UNC13C: variants seen among roughly 807,000 people sequenced by gnomAD.
UNC13C encodes the protein protein unc-13 homolog C.
Under a neutral mutation model 245.4 loss-of-function variants are expected in UNC13C, and 174 were observed. The ratio of observed to expected loss-of-function variants is 0.71; its 90% CI spans 0.63 to 0.80. The LOEUF is 0.80. Among genes scored for constraint, UNC13C ranks in the 30% least tolerant of loss-of-function variants. The pLI, the probability that UNC13C is intolerant of heterozygous loss-of-function variation, is 0.00. For missense variants in UNC13C, 2,829 were observed against 2,602.9 expected (o/e 1.09, Z -1.89); for synonymous variants, 992 against 895.1 (o/e 1.11, Z -1.93).
intron 13 of UNC13C, 80 bp from the exon 14 acceptor site, chr15:54,321,859 T>C: frequency 7.6e-7 from 1 of 1,314,158 alleles, no homozygotes; most frequent in Non-Finnish European, 1.0e-6. Context: ...GTGGAATTAA[T>C]TGCTGATGTT....
chr15:54,056,852 G>C (rs1897553472), intron 2 of UNC13C, among the ~76,000 whole-genome samples: 2 of 152,120 alleles, frequency 1.3e-5, no homozygotes, highest in African/African-American at 4.8e-5. Context: ...TTCATATCCA[G>C]CCAAACTAAG....
intron 27 of UNC13C, among the ~76,000 whole-genome samples, chr15:54,549,126 T>G (rs959960374): frequency 2.6e-5 from 4 of 152,160 alleles, no homozygotes; most frequent in African/African-American, 9.7e-5. Context: ...TTTATTCCAG[T>G]GTTTTTCAAA....
At chr15:54,058,349 C>A (rs541038484) in intron 2 of UNC13C, among the ~76,000 whole-genome samples, 47 of 152,308 alleles carry the variant, frequency 3.1e-4, no homozygotes, top group African/African-American at 1.1e-3. Flanking sequence ...TGCAAATAAA[C>A]TAGAAAAGCT....
chr15:54,261,522 G>GTTTGTTTTGT (rs10582681), intron 8 of UNC13C, among the ~76,000 whole-genome samples: 4,081 of 150,672 alleles, frequency 0.027, 107 homozygotes, highest in Admixed American at 0.06. Flanking sequence ...ATTTTTGTTT[G>GTTTGTTTTGT]TTTGTTTTGT....
intron 17 of UNC13C, among the ~76,000 whole-genome samples, chr15:54,374,300 AC>A: frequency 6.6e-6 from 1 of 152,060 alleles, no homozygotes; most frequent in East Asian, 1.9e-4. Context: ...TCTGCCTCCC[AC>A]TGTCATCAGC....
In UNC13C at chr15:54,432,719, G is replaced by A. The variant is rs551766854; in HGVS notation, c.4933+17652G>A. ...CAAGCAAGAGCAAACAAATTCAAAA[G>A]CTAGCAGAAGACAAGAAATAACTAA... On this transcript the variant is annotated intron_variant, in intron 19 of 32. Coordinates refer to ENST00000260323, the MANE Select transcript of UNC13C (RefSeq NM_001080534.3). 1.4e-3 allele frequency among the ~76,000 whole-genome samples: 215 copies of A among 151,876 alleles called. 1 individual carries two copies. Among genetic ancestry groups the A allele is most frequent in the Non-Finnish European group, 2.6e-3 (175 of 67,874 alleles).
chr15:53,902,938 G>C, the UNC13C span, among the ~76,000 whole-genome samples: 1 of 152,190 alleles, frequency 6.6e-6, no homozygotes. Flanking sequence ...AAGCTTCAAA[G>C]GGTTGGTAGG....
In UNC13C at chr15:54,625,511, T is replaced by A. The variant is rs149364080; in HGVS notation, c.6360-1317T>A. ...AAATCTATTAATTTGGTGATGCCTGTCAGACTCTCAAGAGATGTCATTTAA... is the reference window on the plus strand; with the variant it reads ...AAATCTATTAATTTGGTGATGCCTGACAGACTCTCAAGAGATGTCATTTAA... On this transcript the variant is annotated intron_variant, in intron 32 of 32. Transcript: ENST00000260323. Among the ~76,000 whole-genome samples the A allele has an allele frequency of 8.5e-5, 13 of 152,250 alleles. No individual in the cohort carries two copies. The East Asian group carries it at 2.5e-3, about 29-fold the overall frequency.
chr15:54,435,507 C>A (rs1324385942), intron 19 of UNC13C, among the ~76,000 whole-genome samples: 2 of 150,756 alleles, frequency 1.3e-5, no homozygotes, highest in Non-Finnish European at 2.9e-5. Context: ...TGTTCTCACT[C>A]ATAAGTGGGA....
chr15:53,870,388 A>G, the UNC13C span, among the ~76,000 whole-genome samples: 1 of 151,626 alleles, frequency 6.6e-6, no homozygotes. Context: ...AAAAGGCACA[A>G]CTGCAGAATT....
chr15:54,382,103 T>G (rs1236437065), intron 17 of UNC13C, among the ~76,000 whole-genome samples: 2 of 152,212 alleles, frequency 1.3e-5, no homozygotes, highest in African/African-American at 4.8e-5. Context: ...CTTTGGAATC[T>G]ATACATATAC....
intron 30 of UNC13C, among the ~76,000 whole-genome samples, chr15:54,610,927 T>C (rs1900057491): frequency 6.6e-6 from 1 of 152,352 alleles, no homozygotes; most frequent in Non-Finnish European, 1.5e-5. Flanking sequence ...CCAATAGTAG[T>C]AAGTATTAAA....
In UNC13C at chr15:54,250,815, G is replaced by A. The variant is rs554945958; in HGVS notation, c.3448+371G>A. ...TCTGTCGCCCCAGCTGGGGTGCAGT[G>A]GCACGATCTCAACTCACTGCAAGCT... On this transcript the variant is annotated intron_variant, in intron 8 of 32. Coordinates refer to ENST00000260323, the MANE Select transcript of UNC13C (RefSeq NM_001080534.3). Among the ~76,000 whole-genome samples, 3 of 136,144 alleles carry A rather than the reference G, an allele frequency of 2.2e-5. No homozygotes were observed. The East Asian group carries it at 6.8e-4, about 31-fold the overall frequency. 89.3% of individuals were successfully genotyped at this position (136,144 alleles called of 152,430 possible).
At chr15:54,434,930 G>T (rs1038193729) in intron 19 of UNC13C, among the ~76,000 whole-genome samples, 1 of 152,018 alleles carries the variant, frequency 6.6e-6, no homozygotes, top group African/African-American at 2.4e-5. Flanking sequence ...GATATGAACA[G>T]ATATTTCTCA....
chr15:54,124,530 T>C (rs1447617404), intron 2 of UNC13C, among the ~76,000 whole-genome samples: 2 of 152,216 alleles, frequency 1.3e-5, no homozygotes, highest in Non-Finnish European at 2.9e-5. Context: ...TTACAGAAAC[T>C]AGTCCTTTGG....
chr15:53,985,977 A>G (rs1894122883), intron 1 of UNC13C, among the ~76,000 whole-genome samples: 1 of 151,846 alleles, frequency 6.6e-6, no homozygotes, highest in East Asian at 1.9e-4. Context: ...TGTTGTTTCT[A>G]CTACTGTGGG....
intron 24 of UNC13C, among the ~76,000 whole-genome samples, chr15:54,520,628 A>G (rs1224475467): frequency 6.6e-6 from 1 of 152,186 alleles, no homozygotes; most frequent in Non-Finnish European, 1.5e-5. Flanking sequence ...AGGGATATAC[A>G]GAGGAGGAAA....
the UNC13C span, among the ~76,000 whole-genome samples, chr15:53,898,486 A>G: frequency 1.3e-5 from 2 of 152,096 alleles, no homozygotes; most frequent in African/African-American, 2.4e-5. Context: ...TCTTCAAAAA[A>G]ATCAAACATT....
chr15:53,907,158 C>T, the UNC13C span, among the ~76,000 whole-genome samples: 1 of 152,100 alleles, frequency 6.6e-6, no homozygotes, highest in African/African-American at 2.4e-5. Context: ...TCTTCCAAAG[C>T]CTGTTTCTGA....
Sources: gnomAD v4.1 joint callset for allele counts (sites outside exome capture counted in the v4.1 genomes callset) on GRCh38, gnomAD v4.1.1 for gene constraint, MANE v1.5 for transcripts, NCBI Gene and HGNC (gene_info 2026-07-23, HGNC 2026-07-21) for gene names.